The following MKI67 variants were observed in gnomAD, a reference collection of about 807,000 sequenced individuals.
MKI67 encodes the protein marker of proliferation Ki-67, also known as proliferation marker protein Ki-67.
In MKI67, 152 loss-of-function variants were observed where a neutral mutation model predicts 233.5. The ratio of observed to expected loss-of-function variants is 0.65; its 90% CI spans 0.57 to 0.74. MKI67 has a LOEUF of 0.74. Among genes scored for constraint, MKI67 ranks in the 30% least tolerant of loss-of-function variants. The pLI is 0.00. For missense variants in MKI67, 3,940 were observed against 3,885.2 expected, an observed-to-expected ratio of 1.01 and a Z score of -0.37; for synonymous variants, 1,465 against 1,418.5, an observed-to-expected ratio of 1.03 and a Z score of -0.74.
intron 8 of MKI67, 59 bp from the exon 9 acceptor site, chr10:128,112,504 A>T: frequency 1.4e-6 from 2 of 1,476,428 alleles, no homozygotes; most frequent in Non-Finnish European, 1.9e-6. Flanking sequence ...CTCTGGAATG[A>T]CTGATAAAAA....
In MKI67 at chr10:128,125,901, C is replaced by T; in HGVS notation, c.-89-145G>A. The T allele has an allele frequency of 1.8e-6, 1 of 550,016 alleles. No individual in the cohort carries two copies. Among genetic ancestry groups the T allele is most frequent in the South Asian group, 2.1e-5 (1 of 48,462 alleles). 34.1% of individuals were successfully genotyped at this position (550,016 alleles called of 1,614,324 possible). On this transcript the variant is annotated intron_variant, in intron 1 of 14. Transcript: ENST00000368654. This position sits in a 1 kb window ranked among gnomAD's most constrained non-coding sequence, Gnocchi z 5.3. ...GATCCGACCGCAGCCCCCGGCGCCC[C>T]AAAGTCCGGCAGCTGGGGTGTTGTC...
chr10:128,105,723 G>A lies in MKI67; in HGVS notation c.6117C>T (p.Ile2039=), dbSNP rs1323049349. The A allele has an allele frequency of 6.2e-7, 1 of 1,614,030 alleles. No homozygotes were observed. Among genetic ancestry groups the A allele is most frequent in the Non-Finnish European group, 8.5e-7 (1 of 1,180,008 alleles). The change falls in exon 13 of 15, where the codon ATC becomes ATT. Residue 2039 remains isoleucine (I), a synonymous_variant. Coordinates refer to ENST00000368654, the MANE Select transcript of MKI67 (RefSeq NM_002417.5). ...HRETAGDGKS[I]KAFKESAKQM... is the part of the protein sequence containing the mutation. The stretch of plus-strand genomic sequence containing the variant: ...GCTTTGCAGATTCCTTAAACGCTTT[G>A]ATGCTCTTTCCATCTCCTGCTGTCT...
Position 128,101,621 on chromosome 10 carries a change from T to A in MKI67, c.9342A>T (p.Arg3114Ser). 1 of 1,613,980 alleles carries A rather than the reference T, an allele frequency of 6.2e-7. No homozygotes were observed. The highest frequency in any genetic ancestry group is 8.5e-7 in the Non-Finnish European group (1 of 1,180,016). The part of the protein sequence containing the change: ...QITEVFVLAE[R>S]IEINRNEKKP... ...TCTTTTCATTTCTGTTTATTTCTAT[T>A]CTTTCTGCTAATACAAAGACCTCAG... The change falls in exon 14 of 15, where the codon AGA (arginine) becomes AGT (serine). Residue 3114 changes from arginine (R) to serine (S), a missense_variant. Transcript: ENST00000368654.
At position 128,103,475 on chromosome 10, in the gene MKI67, C is replaced by T. The variant is rs764326706; in HGVS notation, c.8365G>A (p.Ala2789Thr). The change falls in exon 13 of 15, where the codon GCA becomes ACA. Residue 2789 changes from alanine to threonine, a missense_variant. Coordinates refer to ENST00000368654, the MANE Select transcript of MKI67 (RefSeq NM_002417.5). ...SVTGSRRRPR[A>T]PRESAQAIED... is the part of the protein sequence containing the mutation. ...ATGGCTTGGGCACTTTCCCTGGGTG[C>T]TCTTGGCCGTCTCCTGCTGCCAGTT... 4 of 1,613,912 alleles carry T rather than the reference C, an allele frequency of 2.5e-6. No individual in the cohort carries two copies. The highest frequency in any genetic ancestry group is 3.4e-6 in the Non-Finnish European group (4 of 1,179,902).
At position 128,110,573 on chromosome 10, in the gene MKI67, C is replaced by A. The variant is rs187909776; in HGVS notation, c.2261-40G>T. 3.2e-5 allele frequency: 47 copies of A among 1,475,632 alleles called. No homozygotes were observed. The African/African-American group carries it at 4.4e-4, about 14-fold the overall frequency. The allele number at this position is 1,475,632 out of a possible 1,614,324, so 91.4% of individuals were successfully genotyped here. A position where few individuals can be genotyped will look rare whatever the true frequency, so the allele number is the denominator to read the frequency against. On this transcript the variant is annotated intron_variant, in intron 11 of 14. Transcript: ENST00000368654. ...TATTTGAAAAGTGATTGACATATTGCTAACATGCAGACAACCATCCCAGCC... is the reference window on the plus strand; with the variant it reads ...TATTTGAAAAGTGATTGACATATTGATAACATGCAGACAACCATCCCAGCC...
Position 128,106,222 on chromosome 10 carries a change from G to C in MKI67, c.5618C>G (p.Thr1873Arg). ...QSDPADTPTN[T>R]KQRPKRSLKK... is the part of the protein sequence containing the mutation. ...GAGGCTTCTCTTGGGCCGTTGCTTT[G>C]TGTTTGTTGGGGTGTCCGCTGGGTC... Residue 1873 changes from threonine to arginine, a missense_variant, in exon 13 of 15, where the codon ACA (threonine) becomes AGA (arginine). Coordinates refer to ENST00000368654, the MANE Select transcript of MKI67 (RefSeq NM_002417.5). 6.2e-7 allele frequency: 1 copy of C among 1,613,870 alleles called. No homozygotes were observed. Among genetic ancestry groups the C allele is most frequent in the Non-Finnish European group, 8.5e-7 (1 of 1,180,006 alleles).
At position 128,107,448 on chromosome 10, in the gene MKI67, T is replaced by C. The variant is rs141046519; in HGVS notation, c.4392A>G (p.Leu1464=). ...HPKTKEKAQP[L]EDLAGLKELF... is the part of the protein sequence containing the mutation. The stretch of plus-strand genomic sequence containing the variant: ...GCTCTTTCAAGCCAGCCAGGTCTTC[T>C]AGGGGTTGGGCCTTTTCCTTAGTTT... Residue 1464 remains leucine, a synonymous_variant, in exon 13 of 15, where the codon CTA becomes CTG. Transcript: ENST00000368654. The C allele has an allele frequency of 4.6e-3, 7,358 of 1,614,100 alleles. 25 individuals carry two copies. The highest frequency in any genetic ancestry group is 5.6e-3 in the Non-Finnish European group (6,660 of 1,180,016).
chr10:128,106,442 C>G lies in MKI67; in HGVS notation c.5398G>C (p.Gly1800Arg). ...TGGTCCAGTTTCTGCACTGGAGTTC[C>G]CAAAAACGTGTTGATGTCTTTCTCT... Reference protein sequence around the residue: ...GEEKDINTFLGTPVQKLDQPG... With the variant: ...GEEKDINTFLRTPVQKLDQPG... The change falls in exon 13 of 15, where the codon GGA (glycine) becomes CGA (arginine). Residue 1800 changes from glycine (G) to arginine (R), a missense_variant. By Grantham distance (125) the Gly-to-Arg change is moderately radical. Transcript: ENST00000368654. 3 of 1,613,052 alleles carry G rather than the reference C, an allele frequency of 1.9e-6. No homozygotes were observed. Among genetic ancestry groups the G allele is most frequent in the Non-Finnish European group, 2.5e-6 (3 of 1,179,834 alleles).
chr10:128,112,767 C>T (rs988114493), intron 8 of MKI67, among the ~76,000 whole-genome samples: 36 of 152,144 alleles, frequency 2.4e-4, no homozygotes, highest in Admixed American at 1.5e-3. Context: ...CGGCAGTCCA[C>T]ATGGAGGGAG....
chr10:128,105,541 T>C lies in MKI67; in HGVS notation c.6299A>G (p.Lys2100Arg). Residue 2100 changes from lysine (K) to arginine (R), a missense_variant, in exon 13 of 15, where the codon AAA becomes AGA. Lys to Arg is a conservative substitution (Grantham distance 26). Coordinates refer to ENST00000368654, the MANE Select transcript of MKI67 (RefSeq NM_002417.5). ...TGGTGGTGGAGATTTGCAGGCTATT[T>C]TGGTAGTTTTGTCATCAGTTGTTGA... ...EESTTDDKTT[K>R]IACKSPPPES... The C allele has an allele frequency of 6.2e-7, 1 of 1,614,024 alleles. No individual in the cohort carries two copies. Among genetic ancestry groups the C allele is most frequent in the South Asian group, 1.1e-5 (1 of 91,080 alleles).
intron 11 of MKI67, among the ~76,000 whole-genome samples, chr10:128,111,227 CAAGA>C (rs756369634): frequency 5.3e-5 from 8 of 152,278 alleles, no homozygotes; most frequent in African/African-American, 9.6e-5. Flanking sequence ...GGCTTTCTTT[CAAGA>C]AAGTTAAGCT....
rs770523367 is a variant in MKI67, at chr10:128,123,003, G to C, written c.172-7C>G. 1.9e-6 allele frequency: 3 copies of C among 1,580,146 alleles called. No homozygotes were observed. Among genetic ancestry groups the C allele is most frequent in the South Asian group, 1.1e-5 (1 of 89,984 alleles). On this transcript the variant is annotated splice_region_variant and splice_polypyrimidine_tract_variant and intron_variant, in intron 3 of 14. Transcript: ENST00000368654. ...TGAAATTATGTAATATTGCCTGCAA[G>C]TGAAAAGAAGGGGAAATATGTAACT...
intron 4 of MKI67, among the ~76,000 whole-genome samples, chr10:128,121,555 TTA>T (rs1388866494): frequency 2.3e-5 from 3 of 130,104 alleles, no homozygotes; most frequent in African/African-American, 8.3e-5. Flanking sequence ...TTATATATGA[TTA>T]TATATAATAT....
intron 14 of MKI67, 117 bp from the exon 15 acceptor site, chr10:128,099,372 G>T: frequency 3.6e-6 from 2 of 548,838 alleles, no homozygotes; most frequent in South Asian, 3.8e-5. Context: ...CTTAGTTGCA[G>T]AAAATTAATT....
At chr10:128,114,105 G>A (rs1198207980) in intron 7 of MKI67, among the ~76,000 whole-genome samples, 1 of 152,166 alleles carries the variant, frequency 6.6e-6, no homozygotes, top group Non-Finnish European at 1.5e-5. Context: ...TCCCCACTAG[G>A]AAGCTTGGTG....
rs369342718 is a variant in MKI67, at chr10:128,101,542, G to C, written c.9421C>G (p.Arg3141Gly). 1.2e-6 allele frequency: 2 copies of C among 1,614,036 alleles called. No homozygotes were observed. Among genetic ancestry groups the C allele is most frequent in the Admixed American group, 1.7e-5 (1 of 59,996 alleles). ...MDIQNPDDGA[R>G]KPIPRDKVTE... ...ACTTTGTCTCTAGGTATGGGTTTCC[G>C]GGCTCCATCATCTGGATTCTGAATG... Residue 3141 changes from arginine (R) to glycine (G), a missense_variant, in exon 14 of 15, where the codon CGG (arginine) becomes GGG (glycine). By Grantham distance (125) the Arg-to-Gly change is moderately radical. Coordinates refer to ENST00000368654, the MANE Select transcript of MKI67 (RefSeq NM_002417.5).
In MKI67 at chr10:128,125,949, A is replaced by AATGATACG; in HGVS notation, c.-90+149_-90+150insCGTATCAT. On this transcript the variant is annotated intron_variant, in intron 1 of 14. Transcript: ENST00000368654. This position sits in a 1 kb window ranked among gnomAD's most constrained non-coding sequence, Gnocchi z 5.3. ...GTCGCCAGCGCCTGCGCCTCCTGGG[A>AATGATACG]GCTTCCACCGAGACGCCCTCGCCAG... 1 of 325,258 alleles carries AATGATACG rather than the reference A, an allele frequency of 3.1e-6. No homozygotes were observed. The highest frequency in any genetic ancestry group is 5.7e-6 in the Non-Finnish European group (1 of 176,646). The allele number at this position is 325,258 out of a possible 1,614,324, so 20.1% of individuals were successfully genotyped here.
At position 128,115,322 on chromosome 10, in the gene MKI67, C is replaced by T; in HGVS notation, c.1086G>A (p.Lys362=). ...SQQQNSPQKH[K]NKDLYTTGRR... is the part of the protein sequence containing the mutation. ...TACCAGTAGTATACAGGTCTTTGTT[C>T]TTATGTTTTTGTGGAGAATTTTGTT... The change falls in exon 7 of 15, where the codon AAG becomes AAA. Residue 362 remains lysine, a synonymous_variant. Transcript: ENST00000368654. 6.2e-7 allele frequency: 1 copy of T among 1,614,096 alleles called. No homozygotes were observed. The highest frequency in any genetic ancestry group is 8.5e-7 in the Non-Finnish European group (1 of 1,180,026).
chr10:128,111,617 T>C, intron 11 of MKI67, 28 bp downstream of exon 11: 1 of 1,567,368 alleles, frequency 6.4e-7, no homozygotes, highest in Non-Finnish European at 8.6e-7. Flanking sequence ...AGTCAAAAGA[T>C]TTATAAGATC....
Sources: allele counts gnomAD v4.1 joint callset (sites outside exome capture counted in the v4.1 genomes callset), GRCh38; gene constraint gnomAD v4.1.1; non-coding constraint Gnocchi (gnomAD v3.1); transcripts MANE v1.5; gene names NCBI Gene and HGNC (gene_info 2026-07-23, HGNC 2026-07-21).